Variants in MED23 observed in about 807,000 individuals in gnomAD.
MED23 encodes mediator of RNA polymerase II transcription subunit 23.
A neutral mutation model predicts 163.9 loss-of-function variants in MED23; 105 were observed. The observed-to-expected ratio is 0.64, with a 90% CI of 0.55 to 0.75. The LOEUF is 0.75. MED23 is among the 30% of genes least tolerant of loss of function. MED23 has a pLI of 0.00. For missense variants in MED23, 1,054 were observed against 1,649.0 expected, an observed-to-expected ratio of 0.64 and a Z score of 6.25; for synonymous variants, 561 against 565.6, an observed-to-expected ratio of 0.99 and a Z score of 0.12.
chr6:131,590,765 C>A (rs1215356723), intron 26 of MED23, among the ~76,000 whole-genome samples: 1 of 151,700 alleles, frequency 6.6e-6, no homozygotes, highest in African/African-American at 2.4e-5. Context: ...ATTACAGGTG[C>A]ACACCACCAC....
At chr6:131,624,771 A>G in intron 4 of MED23, 94 bp downstream of exon 4, 1 of 1,396,460 alleles carries the variant, frequency 7.2e-7, no homozygotes, top group South Asian at 1.2e-5. Flanking sequence ...CTTCTTCTTC[A>G]TTCTCTTACC....
intron 30 of MED23, chr6:131,579,542 T>G: frequency 2.9e-6 from 1 of 348,392 alleles, no homozygotes; most frequent in East Asian, 5.9e-5. Flanking sequence ...CATCTAAATA[T>G]TCATCACAAG....
In MED23 at chr6:131,575,642, G is replaced by A. The variant is rs542572934; in HGVS notation, c.4096-1347C>T. Among the ~76,000 whole-genome samples, 12 of 152,266 alleles carry A rather than the reference G, an allele frequency of 7.9e-5. No homozygotes were observed. In the Middle Eastern group the frequency reaches 0.01, roughly 129 times the overall value. On this transcript the variant is annotated intron_variant, in intron 30 of 30. Coordinates refer to the MED23 transcript ENST00000354577. ...GCCCCAATCCTAAAGATAGACACACGTGTCTTTTAACACATTGTCTCATCT... is the reference window on the plus strand; with the variant it reads ...GCCCCAATCCTAAAGATAGACACACATGTCTTTTAACACATTGTCTCATCT...
chr6:131,582,776 T>G (rs186112394), downstream of MED23: 78 of 1,372,218 alleles, frequency 5.7e-5, no homozygotes, highest in Admixed American at 1.3e-3. Flanking sequence ...CTAGATATGC[T>G]TTACTGACCA....
In MED23 at chr6:131,596,569, T is replaced by TG. The variant is rs1468422755; in HGVS notation, c.2726dup (p.Glu910ArgfsTer7). On this transcript the variant is annotated frameshift_variant, in exon 21 of 29. Transcript: ENST00000368068. LOFTEE classifies it high-confidence loss of function. ...GCCAGTCATTCTGTAACCAGTGCTC[T>TG]GGGGAATTTTCCTTCACAAAGTCAC... 9 of 1,614,224 alleles carry TG rather than the reference T, an allele frequency of 5.6e-6. No homozygotes were observed. Among genetic ancestry groups the TG allele is most frequent in the Non-Finnish European group, 7.6e-6 (9 of 1,180,030 alleles).
At chr6:131,577,766 G>A (rs933928712) in intron 30 of MED23, among the ~76,000 whole-genome samples, 23 of 151,856 alleles carry the variant, frequency 1.5e-4, no homozygotes, top group South Asian at 6.2e-4. Context: ...ATAGCTGGGC[G>A]TGGTGGCATG....
intron 18 of MED23, among the ~76,000 whole-genome samples, chr6:131,599,741 G>A (rs928724054): frequency 6.6e-6 from 1 of 150,782 alleles, no homozygotes. Context: ...TGTAAGTAAT[G>A]ACTTTTTTTT....
At position 131,628,208 on chromosome 6, in the gene MED23, G is replaced by A; in HGVS notation, c.-159C>T. 1 of 804,632 alleles carries A rather than the reference G, an allele frequency of 1.2e-6. No individual in the cohort carries two copies. The highest frequency in any genetic ancestry group is 2.0e-5 in the Admixed American group (1 of 49,790). 49.8% of individuals were successfully genotyped at this position (804,632 alleles called of 1,614,324 possible). A position where few individuals can be genotyped will look rare whatever the true frequency, so the allele number is the denominator to read the frequency against. Reference sequence around the variant, plus strand: ...CGCTTTACCTGGAGCGTTCCCTCCCGAGCCCAGCCAACAGCAGGAACCTGT... The same window carrying A: ...CGCTTTACCTGGAGCGTTCCCTCCCAAGCCCAGCCAACAGCAGGAACCTGT... On this transcript the variant is annotated 5_prime_UTR_variant, in exon 1 of 29. Transcript: ENST00000368068.
At chr6:131,623,668 C>T (rs1371974120) in intron 4 of MED23, among the ~76,000 whole-genome samples, 3 of 152,180 alleles carry the variant, frequency 2.0e-5, no homozygotes, top group African/African-American at 7.2e-5. Context: ...TTAGTTCTCA[C>T]AAGATCTAAT....
At chr6:131,582,950 T>C, downstream of MED23, 1 of 860,812 alleles carries the variant, frequency 1.2e-6, no homozygotes, top group Non-Finnish European at 1.8e-6. Context: ...GTTAGGTTCA[T>C]AGAACCTAAA....
chr6:131,627,339 A>G, intron 3 of MED23, 57 bp downstream of exon 3: 1 of 1,281,876 alleles, frequency 7.8e-7, no homozygotes, highest in Non-Finnish European at 1.1e-6. Flanking sequence ...GAAAAAAAAA[A>G]AAAAAAAGAA....
chr6:131,615,781 T>G, intron 10 of MED23, 126 bp downstream of exon 10: 1 of 713,802 alleles, frequency 1.4e-6, no homozygotes, highest in Non-Finnish European at 2.5e-6. Context: ...TAAAAAACCA[T>G]GTATATTTTT....
intron 30 of MED23, among the ~76,000 whole-genome samples, chr6:131,578,782 G>GAGAGAC (rs201484191): frequency 0.011 from 1,721 of 152,256 alleles, 42 homozygotes; most frequent in African/African-American, 0.039. Context: ...GAGAGAGACA[G>GAGAGAC]AGAGACAGAG....
intron 24 of MED23, 57 bp from the exon 25 acceptor site, chr6:131,592,517 G>C: frequency 7.2e-7 from 1 of 1,398,160 alleles, no homozygotes; most frequent in Middle Eastern, 1.8e-4. Flanking sequence ...TTAGATGGCT[G>C]ACAACGGATC....
chr6:131,628,187 T>G lies in MED23; in HGVS notation c.-138A>C. 3.1e-6 allele frequency: 3 copies of G among 971,864 alleles called. No individual in the cohort carries two copies. The highest frequency in any genetic ancestry group is 3.2e-6 in the Non-Finnish European group (2 of 618,644). 60.2% of individuals were successfully genotyped at this position (971,864 alleles called of 1,614,324 possible). ...CGGCGTCGCTTCCTCCCCCAGCGCTTTACCTGGAGCGTTCCCTCCCGAGCC... is the reference window on the plus strand; with the variant it reads ...CGGCGTCGCTTCCTCCCCCAGCGCTGTACCTGGAGCGTTCCCTCCCGAGCC... On this transcript the variant is annotated 5_prime_UTR_variant, in exon 1 of 29. Transcript: ENST00000368068.
At chr6:131,579,026 C>CTATT (rs1343133294) in intron 30 of MED23, 1 of 1,465,882 alleles carries the variant, frequency 6.8e-7, no homozygotes, top group Non-Finnish European at 9.4e-7. Context: ...GAATATATGC[C>CTATT]TATTTTATAC....
At chr6:131,612,844 G>A (rs901621820) in intron 10 of MED23, among the ~76,000 whole-genome samples, 2 of 151,922 alleles carry the variant, frequency 1.3e-5, no homozygotes, top group Admixed American at 6.6e-5. Flanking sequence ...AAATGATGTC[G>A]CTTTTCAGTC....
intron 25 of MED23, chr6:131,591,857 G>A (rs764259386): frequency 1.8e-4 from 51 of 284,986 alleles, no homozygotes; most frequent in Non-Finnish European, 2.8e-4. Flanking sequence ...TATGTGTGGA[G>A]GTCAGAGAAA....
chr6:131,618,385 G>T, intron 9 of MED23, 22 bp downstream of exon 9: 1 of 1,495,110 alleles, frequency 6.7e-7, no homozygotes, highest in Non-Finnish European at 9.3e-7. Flanking sequence ...GACTAAAAGT[G>T]CCATTATATT....
Sources: gnomAD v4.1 joint callset for allele counts (sites outside exome capture counted in the v4.1 genomes callset) on GRCh38, gnomAD v4.1.1 for gene constraint, MANE v1.5 for transcripts, NCBI Gene and HGNC (gene_info 2026-07-23, HGNC 2026-07-21) for gene names.